The following AFAP1L2 variants were observed in gnomAD, a reference collection of about 807,000 sequenced individuals.
AFAP1L2 encodes the protein actin filament associated protein 1 like 2.
AFAP1L2 carries 46 observed loss-of-function variants against 99.3 expected under a neutral mutation model. That is an observed-to-expected ratio of 0.46 (90% CI 0.37 to 0.59). The LOEUF is 0.59. Ranked by LOEUF, AFAP1L2 falls within the 20% of genes least tolerant of loss-of-function variation. The probability of loss-of-function intolerance (pLI) is 0.00; values close to 1 mark genes in which losing one functional copy is unlikely to be tolerated. For synonymous variants in AFAP1L2, 397 were observed against 419.1 expected (o/e 0.95, Z 0.64); for missense variants, 959 against 1,034.9 (o/e 0.93, Z 1.01).
chr10:114,282,543 T>A, the AFAP1L2 span: 1 of 1,614,038 alleles, frequency 6.2e-7, no homozygotes, highest in Non-Finnish European at 8.5e-7. Context: ...TAACCCACCC[T>A]GCCACCTGCT....
At chr10:114,287,688 T>C in the AFAP1L2 span, among the ~76,000 whole-genome samples, 9 of 152,120 alleles carry the variant, frequency 5.9e-5, no homozygotes, top group Admixed American at 1.3e-4. Flanking sequence ...TTTGGTTGGA[T>C]TTTTTAAAAA....
chr10:114,372,057 C>A (rs892579634), intron 1 of AFAP1L2, among the ~76,000 whole-genome samples: 2 of 152,214 alleles, frequency 1.3e-5, no homozygotes, highest in Admixed American at 6.5e-5. Flanking sequence ...ACAGCAACAA[C>A]AAAGGTTCTT....
intron 8 of AFAP1L2, among the ~76,000 whole-genome samples, chr10:114,309,097 C>T (rs554968942): frequency 3.3e-5 from 5 of 152,266 alleles, no homozygotes; most frequent in African/African-American, 9.6e-5. Context: ...TCAGAATATT[C>T]CAATCAAGCT....
chr10:114,300,668 G>T lies in AFAP1L2; in HGVS notation c.1565C>A (p.Thr522Asn). ...CTCATTTGGGTCATCTGCAACAGGG[G>T]TGGCTTCCTCGGTAGGCTCCACCTG... Reference protein sequence around the residue: ...TAAVEPTEEATPVADDPNERE... With the variant: ...TAAVEPTEEANPVADDPNERE... The change falls in exon 14 of 19, where the codon ACC (threonine) becomes AAC (asparagine). Residue 522 changes from threonine (T) to asparagine (N), a missense_variant. Around this residue, in one of 2 missense-constraint regions of AFAP1L2, gnomAD observed 576 missense variants for 562.1 expected, o/e 1.02. Coordinates refer to ENST00000304129, the MANE Select transcript of AFAP1L2 (RefSeq NM_001001936.3). 1.2e-6 allele frequency: 2 copies of T among 1,602,204 alleles called. No individual in the cohort carries two copies. The highest frequency in any genetic ancestry group is 2.7e-5 in the African/African-American group (2 of 74,890).
intron 4 of AFAP1L2, among the ~76,000 whole-genome samples, 183 bp downstream of exon 4, chr10:114,331,620 C>T (rs1471050797): frequency 1.3e-5 from 2 of 151,998 alleles, no homozygotes; most frequent in African/African-American, 4.8e-5. Context: ...TACTGTGGCC[C>T]CAAGCAAATC....
intron 5 of AFAP1L2, chr10:114,319,516 AGCAG>A (rs1355925477): frequency 8.0e-7 from 1 of 1,257,436 alleles, no homozygotes; most frequent in Admixed American, 2.3e-5. Context: ...AGAGACAGGC[AGCAG>A]GCAAGAATCA....
At chr10:114,289,628 AC>A in the AFAP1L2 span, 1 of 929,238 alleles carries the variant, frequency 1.1e-6, no homozygotes, top group Non-Finnish European at 1.7e-6. Context: ...TCTGTGCTAA[AC>A]CCCATGCTCA....
At chr10:114,374,695 C>T (rs940855026) in intron 1 of AFAP1L2, among the ~76,000 whole-genome samples, 32 of 151,996 alleles carry the variant, frequency 2.1e-4, no homozygotes, top group African/African-American at 7.0e-4. Flanking sequence ...GCAGCTGTTT[C>T]AGCTTCTCCA....
At chr10:114,339,524 G>A (rs1443651159) in intron 2 of AFAP1L2, among the ~76,000 whole-genome samples, 1 of 152,172 alleles carries the variant, frequency 6.6e-6, no homozygotes, top group Admixed American at 6.5e-5. Flanking sequence ...TCTGGGGCTC[G>A]GGCCCAACTC....
Position 114,297,255 on chromosome 10 carries a change from C to T in AFAP1L2, c.2272G>A (p.Val758Met), listed in dbSNP as rs779716466. 5 of 1,613,934 alleles carry T rather than the reference C, an allele frequency of 3.1e-6. No homozygotes were observed. Among genetic ancestry groups the T allele is most frequent in the South Asian group, 1.1e-5 (1 of 91,062 alleles). The change falls in exon 17 of 19, where the codon GTG (valine) becomes ATG (methionine). Residue 758 changes from valine to methionine, a missense_variant. Physicochemically the swap from Val to Met is conservative, Grantham distance 21. Around this residue, in one of 2 missense-constraint regions of AFAP1L2, gnomAD observed 576 missense variants for 562.1 expected, o/e 1.02. Coordinates refer to ENST00000304129, the MANE Select transcript of AFAP1L2 (RefSeq NM_001001936.3). ...ACATTCTCCAGGTGGGTGGTGTCCA[C>T]GGTGGTGCCTAACGTCACAGGCCCT... ...EAGPVTLGTT[V>M]DTTHLENVSP... is the part of the protein sequence containing the mutation.
intron 1 of AFAP1L2, among the ~76,000 whole-genome samples, chr10:114,356,551 G>A (rs1467031154): frequency 1.3e-5 from 2 of 152,144 alleles, no homozygotes; most frequent in African/African-American, 4.8e-5. Flanking sequence ...TTAAATTTAA[G>A]TGTCATTAAA....
At chr10:114,290,871 G>T (rs975351546), downstream of AFAP1L2, among the ~76,000 whole-genome samples, 13 of 152,314 alleles carry the variant, frequency 8.5e-5, no homozygotes, top group East Asian at 2.1e-3. Context: ...TGAGAGAAAA[G>T]AAGTCATTGT....
At chr10:114,363,065 C>T (rs1590575744) in intron 1 of AFAP1L2, 3 of 985,390 alleles carry the variant, frequency 3.0e-6, no homozygotes, top group East Asian at 2.3e-4. Flanking sequence ...CCGCTGGGGT[C>T]GGCCCCTCAC....
At chr10:114,320,745 T>C (rs1271269575) in intron 5 of AFAP1L2, among the ~76,000 whole-genome samples, 1 of 151,946 alleles carries the variant, frequency 6.6e-6, no homozygotes, top group East Asian at 1.9e-4. Context: ...CGAGATGGAG[T>C]GTCTGACCCA....
intron 2 of AFAP1L2, among the ~76,000 whole-genome samples, chr10:114,335,408 C>A (rs7900396): frequency 1.0e-3 from 155 of 151,762 alleles, no homozygotes; most frequent in African/African-American, 3.6e-3. Context: ...GTCAGGAGAT[C>A]GAGACCATCC....
chr10:114,290,509 G>A, downstream of AFAP1L2: 1 of 1,149,284 alleles, frequency 8.7e-7, no homozygotes, highest in Non-Finnish European at 1.2e-6. Context: ...GAAACATTTA[G>A]TGAGTACCTC....
At chr10:114,319,664 C>T in intron 5 of AFAP1L2, 4 of 1,284,008 alleles carry the variant, frequency 3.1e-6, no homozygotes, top group Non-Finnish European at 4.1e-6. Flanking sequence ...CATCCAGGAG[C>T]ACAGACAGAG....
chr10:114,327,147 T>TTTTATATATA lies in AFAP1L2; in HGVS notation c.316-3887_316-3886insTATATATAAA, dbSNP rs1364666260. Reference sequence around the variant, plus strand: ...TGAAGACCGTGAATTTTATATATATTTATATATATATATATATATATATAT... The same window carrying TTTTATATATA: ...TGAAGACCGTGAATTTTATATATATTTTTATATATATATATATATATATATATATATATAT... On this transcript the variant is annotated intron_variant, in intron 4 of 18. Transcript: ENST00000304129. Among the ~76,000 whole-genome samples, 19 of 54,570 alleles carry TTTTATATATA rather than the reference T, an allele frequency of 3.5e-4. 2 individuals carry two copies. The South Asian group carries it at 5.0e-3, about 14-fold the overall frequency. 35.8% of individuals were successfully genotyped at this position (54,570 alleles called of 152,430 possible). A position where few individuals can be genotyped will look rare whatever the true frequency, so the allele number is the denominator to read the frequency against.
At chr10:114,383,857 C>A (rs938636952) in intron 1 of AFAP1L2, among the ~76,000 whole-genome samples, 1 of 152,186 alleles carries the variant, frequency 6.6e-6, no homozygotes, top group Non-Finnish European at 1.5e-5. Context: ...ATTGCCAACA[C>A]GTAGCCCGCA....
Sources: allele counts gnomAD v4.1 joint callset (sites outside exome capture counted in the v4.1 genomes callset), GRCh38; gene constraint gnomAD v4.1.1; regional missense constraint gnomAD v4.1.1; transcripts MANE v1.5; gene names NCBI Gene and HGNC (gene_info 2026-07-23, HGNC 2026-07-21).